The following ASL variants were observed in gnomAD, a reference collection of about 807,000 sequenced individuals.
ASL encodes argininosuccinate lyase.
Under a neutral mutation model 69.1 loss-of-function variants are expected in ASL, and 51 were observed. The observed-to-expected ratio is 0.74, with a 90% CI of 0.59 to 0.93. The LOEUF is 0.93. Among genes scored for constraint, ASL ranks in the 40% least tolerant of loss-of-function variants. The pLI, the probability that ASL is intolerant of heterozygous loss-of-function variation, is 0.00. For synonymous variants in ASL, 241 were observed against 247.6 expected, an observed-to-expected ratio of 0.97 and a Z score of 0.25; for missense variants, 540 against 623.9, an observed-to-expected ratio of 0.87 and a Z score of 1.43.
rs756414279 is a variant in ASL, at chr7:66,089,717, TCTC to T, written c.1062+27_1062+29del. ...GCAGGCAAGACATCACCCCCCTGCT[TCTC>T]CTCCCCTAGGTCCCAGGCACTGGGG... On this transcript the variant is annotated intron_variant, in intron 14 of 16. Coordinates refer to ENST00000304874, the MANE Select transcript of ASL (RefSeq NM_000048.4). The T allele has an allele frequency of 1.6e-5, 25 of 1,611,550 alleles. No individual in the cohort carries two copies. In the African/African-American group the frequency reaches 3.3e-4, roughly 22 times the overall value.
intron 14 of ASL, 193 bp from the exon 15 acceptor site, chr7:66,091,813 A>G: frequency 1.6e-6 from 1 of 640,420 alleles, no homozygotes; most frequent in Non-Finnish European, 2.8e-6. Flanking sequence ...CAGGCCAGTA[A>G]GTGTTCATAG....
intron 10 of ASL, 69 bp from the exon 11 acceptor site, chr7:66,088,738 C>T (rs1208521894): frequency 2.9e-6 from 4 of 1,382,800 alleles, no homozygotes; most frequent in Non-Finnish European, 4.1e-6. Flanking sequence ...CTAACCTCCT[C>T]CTGCCCCCTG....
At position 66,089,538 on chromosome 7, in the gene ASL, G is replaced by A. The variant is rs573359642; in HGVS notation, c.979-74G>A. 153 of 1,522,772 alleles carry A rather than the reference G, an allele frequency of 1.0e-4. No individual in the cohort carries two copies. In the South Asian group the frequency reaches 1.5e-3, roughly 15 times the overall value. 94.3% of individuals were successfully genotyped at this position (1,522,772 alleles called of 1,614,324 possible). ...TGGAAGGCAGTGGGGATGCCTCAGT[G>A]GGGGGGTGGGGCTGTGGGGACCCTG... On this transcript the variant is annotated intron_variant, in intron 13 of 16. Transcript: ENST00000304874.
intron 3 of ASL, 143 bp from the exon 4 acceptor site, chr7:66,082,225 G>A: frequency 9.5e-7 from 1 of 1,057,440 alleles, no homozygotes; most frequent in Middle Eastern, 2.1e-4. Context: ...GGCCTGAGAT[G>A]CCCCCTCCCA....
Position 66,075,831 on chromosome 7 carries a change from G to A in ASL, c.-69G>A. ...AAAAGCCCTGGCCAGTGGCGGGCGC[G>A]ACACTATCCGTGCGGCCAGGCGGAG... is the stretch of plus-strand genomic sequence containing the variant. On this transcript the variant is annotated 5_prime_UTR_variant, in exon 1 of 17. Transcript: ENST00000304874. 1 of 499,600 alleles carries A rather than the reference G, an allele frequency of 2.0e-6. No individual in the cohort carries two copies. The highest frequency in any genetic ancestry group is 3.7e-5 in the East Asian group (1 of 26,672). The allele number at this position is 499,600 out of a possible 1,614,324, so 30.9% of individuals were successfully genotyped here.
Position 66,075,844 on chromosome 7 carries a change from C to G in ASL, c.-56C>G, listed in dbSNP as rs1232409836. On this transcript the variant is annotated 5_prime_UTR_variant, in exon 1 of 17. Transcript: ENST00000304874. ...AGTGGCGGGCGCGACACTATCCGTG[C>G]GGCCAGGCGGAGGTGAGTGCGCGGC... The G allele has an allele frequency of 1.9e-6, 1 of 526,824 alleles. No homozygotes were observed. The highest frequency in any genetic ancestry group is 3.4e-6 in the Non-Finnish European group (1 of 293,530). The allele number at this position is 526,824 out of a possible 1,614,324, so 32.6% of individuals were successfully genotyped here.
At chr7:66,085,321 A>T (rs1245596308) in intron 6 of ASL, among the ~76,000 whole-genome samples, 2 of 152,046 alleles carry the variant, frequency 1.3e-5, no homozygotes, top group African/African-American at 4.8e-5. Context: ...TACTAAAAAT[A>T]CACAAAATTA....
In ASL at chr7:66,089,601, G is replaced by GT. The variant is rs1786785296; in HGVS notation, c.979-10dup. On this transcript the variant is annotated splice_polypyrimidine_tract_variant and intron_variant, in intron 13 of 16. Transcript: ENST00000304874. ...CTGCTAGGCCCTCACCTCCTGCCAT[G>GT]TGCCTCCCAGGAGGACAAGGAAGCT... 1 of 1,613,400 alleles carries GT rather than the reference G, an allele frequency of 6.2e-7. No homozygotes were observed.
At chr7:66,088,301 T>C (rs896489879) in intron 10 of ASL, among the ~76,000 whole-genome samples, 3 of 151,812 alleles carry the variant, frequency 2.0e-5, no homozygotes, top group African/African-American at 7.3e-5. Context: ...GCCAACATGG[T>C]GAAACCCCAT....
chr7:66,080,165 G>A (rs947646642), intron 2 of ASL, among the ~76,000 whole-genome samples: 3 of 151,558 alleles, frequency 2.0e-5, no homozygotes, highest in Non-Finnish European at 4.4e-5. Flanking sequence ...GGCAGATCAC[G>A]AGGTCAGATT....
intron 2 of ASL, among the ~76,000 whole-genome samples, chr7:66,080,723 CAAAG>C (rs1010977015): frequency 1.3e-5 from 2 of 152,214 alleles, no homozygotes; most frequent in African/African-American, 2.4e-5. Context: ...GACTCTATCT[CAAAG>C]AAAACGAACA....
chr7:66,092,580 G>A lies in ASL; in HGVS notation c.1167G>A (p.Glu389=), dbSNP rs1562745117. The change falls in exon 16 of 17, where the codon GAG becomes GAA. Residue 389 remains glutamate (E), a synonymous_variant. Transcript: ENST00000304874. ...AGATGCCATTCCGCCAGGCCCACGA[G>A]GCCTCCGGGAAAGCTGTGTTCATGG... The part of the protein sequence containing the change: ...RKGMPFRQAH[E]ASGKAVFMAE... 1.2e-6 allele frequency: 2 copies of A among 1,611,306 alleles called. No individual in the cohort carries two copies. Among genetic ancestry groups the A allele is most frequent in the East Asian group, 2.2e-5 (1 of 44,862 alleles).
intron 2 of ASL, among the ~76,000 whole-genome samples, chr7:66,078,825 AG>A: frequency 6.6e-6 from 1 of 151,914 alleles, no homozygotes; most frequent in South Asian, 2.1e-4. Flanking sequence ...AGTACAGATG[AG>A]GTTTCACCAT....
At chr7:66,082,990 A>AG (rs1786554221) in intron 5 of ASL, 54 bp downstream of exon 5, 1 of 1,611,612 alleles carries the variant, frequency 6.2e-7, no homozygotes, top group Non-Finnish European at 8.5e-7. Flanking sequence ...TGAGGAGCCC[A>AG]GGGGGCAGTT....
At chr7:66,087,877 A>ACAC (rs1279602824) in intron 10 of ASL, 86 bp downstream of exon 10, 3 of 1,530,994 alleles carry the variant, frequency 2.0e-6, no homozygotes, top group Non-Finnish European at 2.7e-6. Flanking sequence ...CCACACCTCC[A>ACAC]CGGACAGGCT....
At chr7:66,085,866 C>T (rs189204996) in intron 6 of ASL, among the ~76,000 whole-genome samples, 1 of 152,042 alleles carries the variant, frequency 6.6e-6, no homozygotes, top group Non-Finnish European at 1.5e-5. Context: ...CCTCGGCCTC[C>T]CAAAGTGCTG....
chr7:66,078,503 A>G (rs1786411752), intron 2 of ASL, among the ~76,000 whole-genome samples: 1 of 152,048 alleles, frequency 6.6e-6, no homozygotes, highest in Admixed American at 6.6e-5. Flanking sequence ...TCCCTTAGTA[A>G]CAGCTGGCAT....
intron 2 of ASL, among the ~76,000 whole-genome samples, chr7:66,077,200 G>T (rs1194731333): frequency 6.6e-6 from 1 of 152,146 alleles, no homozygotes; most frequent in South Asian, 2.1e-4. Context: ...AGGCCGAGGC[G>T]GGAGGACTGC....
chr7:66,080,158 A>G (rs1584018836), intron 2 of ASL, among the ~76,000 whole-genome samples: 1 of 151,892 alleles, frequency 6.6e-6, no homozygotes, highest in East Asian at 1.9e-4. Flanking sequence ...CGAGGTGGGC[A>G]GATCACGAGG....
Sources: allele counts gnomAD v4.1 joint callset (sites outside exome capture counted in the v4.1 genomes callset), GRCh38; gene constraint gnomAD v4.1.1; transcripts MANE v1.5; gene names NCBI Gene and HGNC (gene_info 2026-07-23, HGNC 2026-07-21).